FAS: variants seen among roughly 807,000 people sequenced by gnomAD.
FAS encodes the protein tumor necrosis factor receptor superfamily member 6.
A neutral mutation model predicts 33.2 loss-of-function variants in FAS; 5 were observed. That is an observed-to-expected ratio of 0.15 (90% confidence interval 0.08 to 0.32). The LOEUF is 0.32. Among genes scored for constraint, FAS ranks in the 10% least tolerant of loss-of-function variants. FAS has a pLI of 1.00. For missense variants in FAS, 339 were observed against 386.0 expected (o/e 0.88, Z 1.02); for synonymous variants, 131 against 130.7 (o/e 1.00, Z -0.01).
intron 2 of FAS, among the ~76,000 whole-genome samples, chr10:89,005,781 G>T (rs916962488): frequency 6.6e-6 from 1 of 152,104 alleles, no homozygotes; most frequent in African/African-American, 2.4e-5. Flanking sequence ...GGGACTACAG[G>T]AGCACACCAC....
rs138025457 is a variant in FAS at position 89,014,833 on chromosome 10, G to A, written c.*383G>A. 3.3e-4 allele frequency: 180 copies of A among 542,390 alleles called. No homozygotes were observed. Among genetic ancestry groups the A allele is most frequent in the African/African-American group, 3.0e-3 (162 of 54,322 alleles). The allele number at this position is 542,390 out of a possible 1,614,324, so 33.6% of individuals were successfully genotyped here. On this transcript the variant is annotated 3_prime_UTR_variant, in exon 9 of 9. Coordinates refer to ENST00000652046, the MANE Select transcript of FAS (RefSeq NM_000043.6). ...CCCACTCTATGAATCAATAGAAGAA[G>A]CTATGACCTTTTGCTGAAATATCAG...
At chr10:89,010,274 T>C (rs923551638) in intron 4 of FAS, among the ~76,000 whole-genome samples, 1 of 152,188 alleles carries the variant, frequency 6.6e-6, no homozygotes, top group Admixed American at 6.5e-5. Context: ...CCACTTCATC[T>C]CTCTTGTGTG....
chr10:88,995,201 C>G (rs1209392753), intron 1 of FAS, among the ~76,000 whole-genome samples: 2 of 152,112 alleles, frequency 1.3e-5, no homozygotes. Flanking sequence ...AGTTCTACTT[C>G]TAACACCAAT....
intron 2 of FAS, among the ~76,000 whole-genome samples, chr10:88,976,251 GA>G (rs1274409416): frequency 6.6e-6 from 1 of 152,130 alleles, no homozygotes; most frequent in Non-Finnish European, 1.5e-5. Context: ...GAAAGTTTAC[GA>G]ATTCGTGTTG....
upstream of FAS, chr10:88,989,380 A>T: frequency 3.0e-6 from 1 of 333,210 alleles, no homozygotes; most frequent in South Asian, 2.4e-5. Flanking sequence ...ATTTTGGAAT[A>T]GTTTTAGGAT....
chr10:88,992,050 T>G (rs1168963193), intron 1 of FAS, among the ~76,000 whole-genome samples: 1 of 152,094 alleles, frequency 6.6e-6, no homozygotes, highest in Non-Finnish European at 1.5e-5. Context: ...GATGGCGAAA[T>G]GAGGTTCAGA....
intron 8 of FAS, 63 bp downstream of exon 8, chr10:89,013,430 G>A (rs1848629984): frequency 1.4e-6 from 2 of 1,462,224 alleles, no homozygotes; most frequent in Admixed American, 3.4e-5. Context: ...GCCAATTTCA[G>A]AGTAAAATAA....
chr10:88,971,366 G>C lies in FAS; in HGVS notation n.95-1816G>C, dbSNP rs117414078. 1.5e-3 allele frequency among the ~76,000 whole-genome samples: 232 copies of C among 152,308 alleles called. 2 individuals carry two copies. The highest frequency in any genetic ancestry group is 2.8e-3 in the Non-Finnish European group (192 of 68,028). On this transcript the variant is annotated intron_variant and non_coding_transcript_variant, in intron 1 of 3. Coordinates refer to the FAS transcript ENST00000688239. ...GAGAAAACTTCATGCAGTATGTTTT[G>C]TGTTTTGTAAAGGGTGCCAATGGCA...
intron 1 of FAS, among the ~76,000 whole-genome samples, chr10:88,992,084 TCA>T (rs1410987255): frequency 6.6e-6 from 1 of 152,178 alleles, no homozygotes; most frequent in East Asian, 1.9e-4. Context: ...TCAGCCAAGA[TCA>T]CACAGCTAGT....
chr10:88,973,109 T>G, intron 1 of FAS: 1 of 1,462,774 alleles, frequency 6.8e-7, no homozygotes, highest in Non-Finnish European at 9.1e-7. Flanking sequence ...TATGTTTTAT[T>G]TTTCTATTTT....
upstream of FAS, among the ~76,000 whole-genome samples, chr10:88,984,242 G>C (rs1340312774): frequency 6.6e-6 from 1 of 152,186 alleles, no homozygotes; most frequent in Admixed American, 6.5e-5. Flanking sequence ...AGAAATAGTA[G>C]GAGCCAGTGC....
intron 2 of FAS, among the ~76,000 whole-genome samples, chr10:88,977,207 C>T (rs569291874): frequency 2.0e-3 from 296 of 151,738 alleles, no homozygotes; most frequent in African/African-American, 6.7e-3. Flanking sequence ...GTTGCCATTG[C>T]TTTTGGTGTT....
At chr10:89,002,198 A>C (rs1348563302) in intron 1 of FAS, among the ~76,000 whole-genome samples, 1 of 152,218 alleles carries the variant, frequency 6.6e-6, no homozygotes, top group Non-Finnish European at 1.5e-5. Flanking sequence ...ATGGAGTAAA[A>C]TATTTAGGAA....
chr10:88,982,729 A>G (rs1846741960), upstream of FAS, among the ~76,000 whole-genome samples: 1 of 152,202 alleles, frequency 6.6e-6, no homozygotes, highest in Non-Finnish European at 1.5e-5. Flanking sequence ...CTGCTAAGTA[A>G]AAATTCAGCC....
upstream of FAS, among the ~76,000 whole-genome samples, chr10:88,981,949 C>G (rs772062215): frequency 6.6e-6 from 1 of 152,152 alleles, no homozygotes; most frequent in Non-Finnish European, 1.5e-5. Context: ...CGAGTTACCT[C>G]TATGTGAATC....
chr10:88,975,310 C>T (rs1319447434), intron 2 of FAS, among the ~76,000 whole-genome samples: 2 of 152,172 alleles, frequency 1.3e-5, no homozygotes, highest in African/African-American at 4.8e-5. Flanking sequence ...AAACCGTGTA[C>T]AGAGCAGCGT....
intron 3 of FAS, among the ~76,000 whole-genome samples, chr10:89,008,428 C>T (rs1848356534): frequency 6.6e-6 from 1 of 152,326 alleles, no homozygotes; most frequent in African/African-American, 2.4e-5. Flanking sequence ...TCATCCCTGG[C>T]AGTGCATTAG....
intron 1 of FAS, among the ~76,000 whole-genome samples, chr10:89,001,508 T>C (rs545830176): frequency 2.0e-4 from 30 of 151,752 alleles, no homozygotes; most frequent in African/African-American, 7.3e-4. Context: ...GAGCTGTTGC[T>C]CTATTTGTAA....
In FAS at chr10:88,978,280, G is replaced by A. The variant is rs867376267; in HGVS notation, n.260+4933G>A. On this transcript the variant is annotated intron_variant and non_coding_transcript_variant, in intron 2 of 3. Coordinates refer to the FAS transcript ENST00000688239. ...GGGGGGAGGGGGGAGGGATAGCATC[G>A]GGAGATATACCTAATGCTAGATGAC... Among the ~76,000 whole-genome samples the A allele has an allele frequency of 2.7e-3, 388 of 142,680 alleles. 3 individuals carry two copies. The highest frequency in any genetic ancestry group is 9.5e-3 in the African/African-American group (368 of 38,548). The allele number at this position is 142,680 out of a possible 152,430, so 93.6% of individuals were successfully genotyped here.
Sources: allele counts gnomAD v4.1 joint callset (sites outside exome capture counted in the v4.1 genomes callset), GRCh38; gene constraint gnomAD v4.1.1; transcripts MANE v1.5; gene names NCBI Gene and HGNC (gene_info 2026-07-23, HGNC 2026-07-21).